Variants in SLC17A1 observed in about 807,000 individuals in gnomAD.
SLC17A1 encodes the protein solute carrier family 17 member 1.
A neutral mutation model predicts 53.5 loss-of-function variants in SLC17A1; 51 were observed. The observed-to-expected ratio is 0.95, with a 90% CI of 0.76 to 1.20. The LOEUF (loss-of-function observed/expected upper bound fraction) is 1.20, where lower values mean the gene tolerates loss of function less well. SLC17A1 is among the 50% of genes most tolerant of loss of function. SLC17A1 has a pLI of 0.00. For synonymous variants in SLC17A1, 179 were observed against 198.8 expected (o/e 0.90, Z 0.84); for missense variants, 538 against 568.2 (o/e 0.95, Z 0.54).
At chr6:25,732,748 T>C in the SLC17A1 span, 1 of 1,132,514 alleles carries the variant, frequency 8.8e-7, no homozygotes, top group Non-Finnish European at 1.3e-6. Flanking sequence ...TGGCTTAGGG[T>C]GACGTTTTGC....
chr6:25,764,664 A>T, the SLC17A1 span, among the ~76,000 whole-genome samples: 1 of 152,310 alleles, frequency 6.6e-6, no homozygotes, highest in African/African-American at 2.4e-5. Flanking sequence ...TGTGCTCCTC[A>T]GCTTGGAGTG....
the SLC17A1 span, among the ~76,000 whole-genome samples, chr6:25,774,640 C>A: frequency 6.6e-6 from 1 of 152,182 alleles, no homozygotes; most frequent in African/African-American, 2.4e-5. Flanking sequence ...TGCTAAGCAA[C>A]AGACTTCCTG....
the SLC17A1 span, chr6:25,777,564 A>AAAC: frequency 0.11 from 18,217 of 161,908 alleles, 1,033 homozygotes; most frequent in African/African-American, 0.15. Context: ...GCAGAAGCCA[A>AAAC]AACAACAACA....
chr6:25,827,913 A>G (rs1194959976), intron 2 of SLC17A1, among the ~76,000 whole-genome samples: 1 of 152,140 alleles, frequency 6.6e-6, no homozygotes, highest in African/African-American at 2.4e-5. Flanking sequence ...AGCTTCCCAA[A>G]TTCTTCATCT....
At chr6:25,729,309 A>G in the SLC17A1 span, among the ~76,000 whole-genome samples, 1 of 152,194 alleles carries the variant, frequency 6.6e-6, no homozygotes, top group Admixed American at 6.5e-5. Context: ...AGTTCCACCA[A>G]TAGGATAATC....
intron 10 of SLC17A1, among the ~76,000 whole-genome samples, chr6:25,804,852 G>A (rs1248512636): frequency 6.6e-6 from 1 of 152,002 alleles, no homozygotes; most frequent in African/African-American, 2.4e-5. Context: ...AAATTTATGT[G>A]GACCTAACAT....
chr6:25,813,650 T>C (rs1764238866), intron 6 of SLC17A1, among the ~76,000 whole-genome samples: 1 of 152,198 alleles, frequency 6.6e-6, no homozygotes, highest in South Asian at 2.1e-4. Flanking sequence ...TATGGGTTTA[T>C]TGTACAGATT....
chr6:25,811,865 G>T (rs1764171369), intron 8 of SLC17A1, 95 bp from the exon 9 acceptor site: 1 of 1,329,686 alleles, frequency 7.5e-7, no homozygotes, highest in Non-Finnish European at 1.1e-6. Flanking sequence ...TATCTAAAAT[G>T]TGTACTTTCA....
the SLC17A1 span, chr6:25,773,629 C>T: frequency 6.2e-7 from 1 of 1,613,886 alleles, no homozygotes; most frequent in Non-Finnish European, 8.5e-7. Context: ...TTATGGCGTA[C>T]ACACCAACGT....
intron 12 of SLC17A1, 116 bp downstream of exon 12, chr6:25,798,667 C>G (rs1457757660): frequency 2.1e-5 from 19 of 886,650 alleles, no homozygotes; most frequent in Non-Finnish European, 2.9e-5. Flanking sequence ...TTAACATGGT[C>G]TCCTCTTCTC....
the SLC17A1 span, chr6:25,770,322 A>G: frequency 1.4e-5 from 23 of 1,613,742 alleles, no homozygotes; most frequent in Middle Eastern, 1.6e-4. Context: ...TTTTCCAGGT[A>G]TAAGTGGAAT....
At position 25,830,508 on chromosome 6, in the gene SLC17A1, C is replaced by G. The variant is rs571066031; in HGVS notation, c.34+16G>C. The G allele has an allele frequency of 4.6e-5, 73 of 1,588,598 alleles. No individual in the cohort carries two copies. In the Admixed American group the frequency reaches 9.7e-4, roughly 21 times the overall value. ...GAAAAAGAACACCTGTTTAATGGAA[C>G]AGAATAAAGTGCTACCTTTTTTGGG... On this transcript the variant is annotated intron_variant, in intron 2 of 12. Coordinates refer to ENST00000244527, the MANE Select transcript of SLC17A1 (RefSeq NM_005074.5).
At chr6:25,762,831 C>T in the SLC17A1 span, among the ~76,000 whole-genome samples, 253 of 152,318 alleles carry the variant, frequency 1.7e-3, no homozygotes, top group African/African-American at 5.5e-3. Flanking sequence ...TTCCAGTAGT[C>T]TCGGCTGAAG....
chr6:25,800,513 T>C (rs927266178), intron 11 of SLC17A1, among the ~76,000 whole-genome samples: 3 of 152,092 alleles, frequency 2.0e-5, no homozygotes, highest in African/African-American at 7.2e-5. Flanking sequence ...CAGACTTAGA[T>C]CAGTCTTTAT....
chr6:25,787,679 G>T (rs1021602907), intron 12 of SLC17A1, among the ~76,000 whole-genome samples: 1 of 152,212 alleles, frequency 6.6e-6, no homozygotes, highest in African/African-American at 2.4e-5. Flanking sequence ...GAAACGTTAA[G>T]TTTTCTATTT....
At chr6:25,814,703 G>A (rs146704730) in intron 6 of SLC17A1, among the ~76,000 whole-genome samples, 2 of 152,172 alleles carry the variant, frequency 1.3e-5, no homozygotes, top group Non-Finnish European at 2.9e-5. Context: ...GACAGAATGG[G>A]CTGGGCATGG....
At chr6:25,735,726 G>C in the SLC17A1 span, among the ~76,000 whole-genome samples, 187 of 152,242 alleles carry the variant, frequency 1.2e-3, no homozygotes, top group African/African-American at 3.5e-3. Context: ...CTAAATTATT[G>C]TGTTGTGTTC....
Position 25,812,963 on chromosome 6 carries a change from G to T in SLC17A1, c.765C>A (p.Ile255=). The part of the protein sequence containing the change: ...QVSSSRQSLP[I]KAILKSLPVW... ...CTGGAAGCGACTTAAGTATAGCCTT[G>T]ATAGGCAGAGATTGTCTACTTGAAC... is the stretch of plus-strand genomic sequence containing the variant. Residue 255 remains isoleucine, a synonymous_variant, in exon 8 of 13, where the codon ATC becomes ATA. Coordinates refer to ENST00000244527, the MANE Select transcript of SLC17A1 (RefSeq NM_005074.5). 6.2e-7 allele frequency: 1 copy of T among 1,614,018 alleles called. No individual in the cohort carries two copies. Among genetic ancestry groups the T allele is most frequent in the Non-Finnish European group, 8.5e-7 (1 of 1,179,946 alleles).
chr6:25,797,644 A>G (rs1258579056), intron 12 of SLC17A1, among the ~76,000 whole-genome samples: 2 of 150,842 alleles, frequency 1.3e-5, no homozygotes, highest in Non-Finnish European at 2.9e-5. Flanking sequence ...TTGCTCTGTC[A>G]CCCAGGCTAA....
Sources: gnomAD v4.1 joint callset for allele counts (sites outside exome capture counted in the v4.1 genomes callset) on GRCh38, gnomAD v4.1.1 for gene constraint, MANE v1.5 for transcripts, NCBI Gene and HGNC (gene_info 2026-07-23, HGNC 2026-07-21) for gene names.